The following MEIS2 variants were observed in gnomAD, a reference collection of about 807,000 sequenced individuals.
MEIS2 encodes the protein Meis homeobox 2.
In MEIS2, 9 loss-of-function variants were observed where a neutral mutation model predicts 58.6. The ratio of observed to expected loss-of-function variants is 0.15; its 90% CI spans 0.09 to 0.27. The LOEUF (loss-of-function observed/expected upper bound fraction) is 0.27, where lower values mean the gene tolerates loss of function less well. MEIS2 is among the 10% of genes least tolerant of loss of function. MEIS2 has a pLI of 1.00. For missense variants in MEIS2, 427 were observed against 635.0 expected (o/e 0.67, Z 3.52); for synonymous variants, 221 against 228.4 (o/e 0.97, Z 0.29).
At chr15:36,905,111 C>A (rs1465484032) in intron 9 of MEIS2, among the ~76,000 whole-genome samples, 2 of 152,070 alleles carry the variant, frequency 1.3e-5, no homozygotes, top group East Asian at 3.9e-4. Context: ...GAGATGAATT[C>A]ATTAACACCT....
chr15:36,965,040 C>G (rs1344896506), intron 8 of MEIS2, among the ~76,000 whole-genome samples: 4 of 152,062 alleles, frequency 2.6e-5, no homozygotes, highest in Non-Finnish European at 5.9e-5. Flanking sequence ...ACGCAGGAAG[C>G]ATTTGTGACT....
At chr15:37,061,167 C>T (rs1455250438) in intron 7 of MEIS2, among the ~76,000 whole-genome samples, 1 of 152,098 alleles carries the variant, frequency 6.6e-6, no homozygotes, top group Non-Finnish European at 1.5e-5. Context: ...GATATCCCAT[C>T]TATAAAGTCA....
chr15:36,998,130 C>T (rs143943717), intron 8 of MEIS2, among the ~76,000 whole-genome samples: 47 of 152,102 alleles, frequency 3.1e-4, no homozygotes, highest in African/African-American at 1.1e-3. Context: ...TTGTTCATGT[C>T]CTCCTTAAAG....
chr15:37,095,797 C>T, intron 3 of MEIS2, 183 bp from the exon 4 acceptor site: 1 of 834,840 alleles, frequency 1.2e-6, no homozygotes, highest in Non-Finnish European at 1.8e-6. Context: ...GCATTCTGGT[C>T]CTGGCCCCAT....
At chr15:36,930,512 G>A (rs2057934845) in intron 9 of MEIS2, among the ~76,000 whole-genome samples, 2 of 152,224 alleles carry the variant, frequency 1.3e-5, no homozygotes, top group South Asian at 4.1e-4. Flanking sequence ...CTCGATGAGC[G>A]ATATGCATTA....
chr15:36,960,882 C>A (rs2059156477), intron 8 of MEIS2, among the ~76,000 whole-genome samples: 1 of 152,122 alleles, frequency 6.6e-6, no homozygotes, highest in Non-Finnish European at 1.5e-5. Flanking sequence ...TTTTGTTCTG[C>A]ATTGTACTAG....
rs1210461 is a variant in MEIS2, at chr15:36,973,353, A to G, written c.901-22953T>C. On this transcript the variant is annotated intron_variant, in intron 8 of 11. Coordinates refer to ENST00000561208, the MANE Select transcript of MEIS2 (RefSeq NM_170675.5). ...CTGGCACAACACCTATTGCCCCGGT[A>G]GAAAGACCTTTATTTCAAAATGTTT... Among the ~76,000 whole-genome samples the G allele has an allele frequency of 2.2e-3, 342 of 152,344 alleles. 1 individual carries two copies. The highest frequency in any genetic ancestry group is 8.0e-3 in the African/African-American group (332 of 41,582).
intron 7 of MEIS2, among the ~76,000 whole-genome samples, chr15:37,078,428 C>A (rs1891707305): frequency 6.7e-6 from 1 of 148,210 alleles, no homozygotes. Flanking sequence ...ACATTCATGA[C>A]CAAATTAATT....
intron 8 of MEIS2, among the ~76,000 whole-genome samples, chr15:36,982,077 G>A (rs963194339): frequency 1.3e-5 from 2 of 152,068 alleles, no homozygotes; most frequent in Non-Finnish European, 2.9e-5. Context: ...CTTGCAGATG[G>A]TATATCATGG....
At chr15:37,000,669 AT>A (rs1248763948) in intron 8 of MEIS2, among the ~76,000 whole-genome samples, 3 of 151,724 alleles carry the variant, frequency 2.0e-5, no homozygotes, top group Non-Finnish European at 2.9e-5. Flanking sequence ...TGTGCCTTTG[AT>A]TTTCCCCCAC....
chr15:36,970,403 C>CAA (rs35719378), intron 8 of MEIS2, among the ~76,000 whole-genome samples: 161 of 135,754 alleles, frequency 1.2e-3, no homozygotes, highest in African/African-American at 2.6e-3. Flanking sequence ...GACTCCGTCT[C>CAA]AAAAAAAAAA....
At chr15:37,025,238 G>A (rs1273900102) in intron 8 of MEIS2, among the ~76,000 whole-genome samples, 2 of 152,174 alleles carry the variant, frequency 1.3e-5, no homozygotes, top group African/African-American at 2.4e-5. Context: ...CACTTGCACA[G>A]TATTTTGTCC....
intron 8 of MEIS2, among the ~76,000 whole-genome samples, chr15:37,008,737 T>C (rs2061012757): frequency 6.6e-6 from 1 of 152,146 alleles, no homozygotes; most frequent in Non-Finnish European, 1.5e-5. Flanking sequence ...AAGTTATTGA[T>C]TTGGGGGGAA....
In MEIS2 at chr15:36,889,992, A is replaced by G. The variant is rs774558920; in HGVS notation, c.*2181T>C. 2.0e-5 allele frequency: 3 copies of G among 152,224 alleles called. No homozygotes were observed. Among genetic ancestry groups the G allele is most frequent in the Admixed American group, 6.5e-5 (1 of 15,294 alleles). 9.4% of individuals were successfully genotyped at this position (152,224 alleles called of 1,614,324 possible). On this transcript the variant is annotated 3_prime_UTR_variant, in exon 12 of 12. Coordinates refer to ENST00000561208, the MANE Select transcript of MEIS2 (RefSeq NM_170675.5). The stretch of plus-strand genomic sequence containing the variant: ...TTGTAAAAATTCTACCTGACTAAAT[A>G]TAACACAAAACAATAGAAGTGTATT...
intron 5 of MEIS2, 158 bp downstream of exon 5, chr15:37,094,369 C>A (rs1212103562): frequency 7.7e-6 from 5 of 652,834 alleles, no homozygotes; most frequent in Non-Finnish European, 1.0e-5. Flanking sequence ...ACCCTCTGAG[C>A]CCCTGTGTTG....
intron 7 of MEIS2, among the ~76,000 whole-genome samples, chr15:37,073,192 A>G (rs1170800921): frequency 6.6e-6 from 1 of 152,108 alleles, no homozygotes; most frequent in Admixed American, 6.6e-5. Context: ...CAACTGCCCT[A>G]TGAGACAGTT....
At chr15:37,020,108 C>T (rs1338912371) in intron 8 of MEIS2, among the ~76,000 whole-genome samples, 2 of 151,978 alleles carry the variant, frequency 1.3e-5, no homozygotes, top group Non-Finnish European at 2.9e-5. Flanking sequence ...AGCAAAGAGC[C>T]AACAAGCCAC....
intron 6 of MEIS2, among the ~76,000 whole-genome samples, chr15:37,087,443 T>G (rs555320186): frequency 3.9e-5 from 6 of 152,266 alleles, no homozygotes; most frequent in African/African-American, 9.6e-5. Context: ...CAGCTGATAA[T>G]GCAAGTTGTA....
At chr15:37,001,092 A>G (rs1262281391) in intron 8 of MEIS2, among the ~76,000 whole-genome samples, 2 of 152,166 alleles carry the variant, frequency 1.3e-5, no homozygotes, top group African/African-American at 4.8e-5. Flanking sequence ...TTTTGCATTA[A>G]CATTTATTTA....
Sources: gnomAD v4.1 joint callset for allele counts (sites outside exome capture counted in the v4.1 genomes callset) on GRCh38, gnomAD v4.1.1 for gene constraint, MANE v1.5 for transcripts, NCBI Gene and HGNC (gene_info 2026-07-23, HGNC 2026-07-21) for gene names.